Variants in ATP9B observed in about 807,000 individuals in gnomAD.
ATP9B encodes ATPase phospholipid transporting 9B.
Under a neutral mutation model 146.1 loss-of-function variants are expected in ATP9B, and 110 were observed. That is an observed-to-expected ratio of 0.75 (90% CI 0.65 to 0.88). The LOEUF (loss-of-function observed/expected upper bound fraction) is 0.88. Ranked by LOEUF, ATP9B falls within the 40% of genes least tolerant of loss-of-function variation. The pLI is 0.00. For synonymous variants in ATP9B, 604 were observed against 569.7 expected (o/e 1.06, Z -0.86); for missense variants, 1,499 against 1,496.4 (o/e 1.00, Z -0.03).
At chr18:79,094,370 C>G (rs931482186) in intron 1 of ATP9B, among the ~76,000 whole-genome samples, 3 of 152,144 alleles carry the variant, frequency 2.0e-5, no homozygotes, top group Non-Finnish European at 4.4e-5. Flanking sequence ...TGTTTTTTCT[C>G]AGCTTTATGC....
chr18:79,149,725 A>T (rs11663567), intron 6 of ATP9B, among the ~76,000 whole-genome samples: 25,857 of 151,612 alleles, frequency 0.17, 2,719 homozygotes, highest in African/African-American at 0.3. Flanking sequence ...AAAAAAAAAA[A>T]TTTGAAATTA....
At chr18:79,140,352 GT>G (rs1379030565) in intron 5 of ATP9B, among the ~76,000 whole-genome samples, 1 of 151,996 alleles carries the variant, frequency 6.6e-6, no homozygotes, top group South Asian at 2.1e-4. Flanking sequence ...AATTTCTTTA[GT>G]TTTTTTCAAC....
chr18:79,200,727 G>GTCGGGGTCAGAGCAGAGGTGGAGGGGGGA, intron 9 of ATP9B, among the ~76,000 whole-genome samples: 4 of 45,542 alleles, frequency 8.8e-5, no homozygotes, highest in Admixed American at 2.2e-4. Flanking sequence ...TGGAGGTGGG[G>GTCGGGGTCAGAGCAGAGGTGGAGGGGGGA]ACTGTCGGGG....
At chr18:79,327,994 C>T (rs1210914407) in intron 15 of ATP9B, among the ~76,000 whole-genome samples, 3 of 139,344 alleles carry the variant, frequency 2.2e-5, no homozygotes, top group Admixed American at 7.2e-5. Flanking sequence ...GGTTAGCGTG[C>T]TCTCCGTGGT....
At chr18:79,337,124 A>G (rs1204429721) in intron 18 of ATP9B, among the ~76,000 whole-genome samples, 155 bp from the exon 19 acceptor site, 1 of 149,318 alleles carries the variant, frequency 6.7e-6, no homozygotes, top group Non-Finnish European at 1.5e-5. Flanking sequence ...CCCACAGCCC[A>G]TGCAGTCCAG....
At chr18:79,088,382 G>C (rs1474764522) in intron 1 of ATP9B, among the ~76,000 whole-genome samples, 1 of 152,074 alleles carries the variant, frequency 6.6e-6, no homozygotes, top group Non-Finnish European at 1.5e-5. Context: ...CTAGTTGACT[G>C]TTTTAAAAGA....
At position 79,156,414 on chromosome 18, in the gene ATP9B, G is replaced by A. The variant is rs186011966; in HGVS notation, c.778+1859G>A. Among the ~76,000 whole-genome samples, 20 of 152,216 alleles carry A rather than the reference G, an allele frequency of 1.3e-4. No homozygotes were observed. The East Asian group carries it at 1.9e-3, about 15-fold the overall frequency. On this transcript the variant is annotated intron_variant, in intron 7 of 29. Coordinates refer to ENST00000426216, the MANE Select transcript of ATP9B (RefSeq NM_198531.5). ...CTGCAGGCACCTGCTCATCTCTTCC[G>A]CCTTGCTGGTTAGATGGCCATGACT... is the stretch of plus-strand genomic sequence containing the variant.
rs753529475 is a variant in ATP9B, at chr18:79,359,386, TCTC to T, written c.2939_2941del (p.Ser980del). On this transcript the variant is annotated inframe_deletion, in exon 26 of 30. Transcript: ENST00000426216. The stretch of plus-strand genomic sequence containing the variant: ...ACCATATACACCATGTTCCCAGTGT[TCTC>T]CTTAGTGCTGGACCAGGACGTGAAG... 6.2e-7 allele frequency: 1 copy of T among 1,613,950 alleles called. No homozygotes were observed. Among genetic ancestry groups the T allele is most frequent in the East Asian group, 2.2e-5 (1 of 44,880 alleles).
chr18:79,245,671 CTG>C (rs1348315827), intron 11 of ATP9B, among the ~76,000 whole-genome samples: 7 of 142,482 alleles, frequency 4.9e-5, no homozygotes, highest in South Asian at 2.3e-4. Context: ...GCCCTAGTGA[CTG>C]TGCGGAGGGC....
chr18:79,193,225 CA>C lies in ATP9B; in HGVS notation c.919del (p.Met307TrpfsTer25), dbSNP rs757367895. ...ISAYVYAQKP[Q>X]MDIHSFEGTF... ...TGCTTATGTTTATGCTCAGAAACCACAAATGGACATTCACAGTTTCGAAGGC... is the reference window on the plus strand; with the variant it reads ...TGCTTATGTTTATGCTCAGAAACCACAATGGACATTCACAGTTTCGAAGGC... On this transcript the variant is annotated frameshift_variant, in exon 9 of 30. Coordinates refer to ENST00000426216, the MANE Select transcript of ATP9B (RefSeq NM_198531.5). LOFTEE classifies it high-confidence loss of function. 1 of 1,612,142 alleles carries C rather than the reference CA, an allele frequency of 6.2e-7. No individual in the cohort carries two copies. The highest frequency in any genetic ancestry group is 2.2e-5 in the East Asian group (1 of 44,798).
rs1600508151 is a variant in ATP9B, at chr18:79,210,440, T to C, written c.1030+3428T>C. Among the ~76,000 whole-genome samples the C allele has an allele frequency of 5.3e-5, 8 of 152,220 alleles. 3 individuals carry two copies. Among genetic ancestry groups the C allele is most frequent in the Admixed American group, 5.2e-4 (8 of 15,288 alleles). On this transcript the variant is annotated intron_variant, in intron 10 of 29. Transcript: ENST00000426216. ...CCTGGGTGAGGGTCTTCTGTGTCTC[T>C]GTGTCTCAGCCATGTGGACTCTAGA...
chr18:79,209,202 C>T (rs558109064), intron 10 of ATP9B, among the ~76,000 whole-genome samples: 5 of 152,266 alleles, frequency 3.3e-5, no homozygotes, highest in South Asian at 4.2e-4. Flanking sequence ...CTTGAGTGCT[C>T]GGCCTTCAGT....
intron 7 of ATP9B, among the ~76,000 whole-genome samples, chr18:79,161,725 A>G (rs2094884652): frequency 1.3e-5 from 2 of 152,166 alleles, no homozygotes; most frequent in Admixed American, 6.5e-5. Context: ...GGGCGCCTAT[A>G]GTCCCAGGTA....
chr18:79,303,067 C>T (rs1418833544), intron 13 of ATP9B, among the ~76,000 whole-genome samples: 1 of 152,172 alleles, frequency 6.6e-6, no homozygotes, highest in Non-Finnish European at 1.5e-5. Flanking sequence ...AACTAGAGCC[C>T]TTCTCATTAT....
At chr18:79,157,205 A>AAAACACAC (rs1270011005) in intron 7 of ATP9B, among the ~76,000 whole-genome samples, 1 of 101,122 alleles carries the variant, frequency 9.9e-6, no homozygotes, top group African/African-American at 5.1e-5. Context: ...TACTAAAAAA[A>AAAACACAC]ATACACACAC....
chr18:79,178,313 T>C (rs1457265633), intron 8 of ATP9B, among the ~76,000 whole-genome samples: 1 of 152,144 alleles, frequency 6.6e-6, no homozygotes, highest in African/African-American at 2.4e-5. Context: ...GTCACCAGTT[T>C]TTATTGTAGT....
intron 12 of ATP9B, among the ~76,000 whole-genome samples, chr18:79,270,428 A>G (rs2096243641): frequency 6.6e-6 from 1 of 152,160 alleles, no homozygotes; most frequent in Non-Finnish European, 1.5e-5. Flanking sequence ...AAAATTTGCC[A>G]CTGCTTGACT....
At chr18:79,084,101 C>CCCGCCT (rs764932476) in intron 1 of ATP9B, among the ~76,000 whole-genome samples, 10 of 151,866 alleles carry the variant, frequency 6.6e-5, no homozygotes, top group Non-Finnish European at 1.3e-4. Flanking sequence ...TCATGATCCA[C>CCCGCCT]CCGCCTCGGC....
At chr18:79,201,793 T>C (rs1260174818) in intron 9 of ATP9B, among the ~76,000 whole-genome samples, 1 of 152,058 alleles carries the variant, frequency 6.6e-6, no homozygotes, top group Non-Finnish European at 1.5e-5. Flanking sequence ...ACTCCTGACC[T>C]AGTGATCCAC....
Sources: gnomAD v4.1 joint callset for allele counts (sites outside exome capture counted in the v4.1 genomes callset) on GRCh38, gnomAD v4.1.1 for gene constraint, MANE v1.5 for transcripts, NCBI Gene and HGNC (gene_info 2026-07-23, HGNC 2026-07-21) for gene names.